The following VASP variants were observed in gnomAD, a reference collection of about 807,000 sequenced individuals.
VASP encodes vasodilator-stimulated phosphoprotein.
VASP carries 27 observed loss-of-function variants against 54.4 expected under a neutral mutation model. The ratio of observed to expected loss-of-function variants is 0.50; its 90% CI spans 0.37 to 0.68. VASP has a LOEUF of 0.68. VASP is among the 30% of genes least tolerant of loss of function. The pLI, the probability that VASP is intolerant of heterozygous loss-of-function variation, is 0.00. For synonymous variants in VASP, 233 were observed against 209.8 expected (o/e 1.11, Z -0.96); for missense variants, 488 against 528.3 (o/e 0.92, Z 0.75).
Position 45,526,434 on chromosome 19 carries a change from C to T in VASP, c.*257C>T, listed in dbSNP as rs1334609600. 9.0e-6 allele frequency: 4 copies of T among 444,210 alleles called. No homozygotes were observed. The highest frequency in any genetic ancestry group is 1.6e-5 in the Non-Finnish European group (4 of 251,854). 27.5% of individuals were successfully genotyped at this position (444,210 alleles called of 1,614,324 possible). ...TCTGCCATCCCCTTGGGGCCGGTCCCTCTGCTGGGGATGCACCAATGAACC... is the reference window on the plus strand; with the variant it reads ...TCTGCCATCCCCTTGGGGCCGGTCCTTCTGCTGGGGATGCACCAATGAACC... On this transcript the variant is annotated 3_prime_UTR_variant, in exon 13 of 13. Coordinates refer to ENST00000245932, the MANE Select transcript of VASP (RefSeq NM_003370.4).
At chr19:45,522,871 CCAGT>C in intron 7 of VASP, 53 bp downstream of exon 7, 1 of 1,534,218 alleles carries the variant, frequency 6.5e-7, no homozygotes, top group Non-Finnish European at 8.8e-7. Flanking sequence ...TCAGTAGGGC[CCAGT>C]CAGAGGAGGG....
At chr19:45,514,295 G>C (rs1241884116) in intron 1 of VASP, among the ~76,000 whole-genome samples, 4 of 152,148 alleles carry the variant, frequency 2.6e-5, no homozygotes, top group Non-Finnish European at 5.9e-5. Context: ...CACAGATCAC[G>C]GAGGCCCTGG....
rs112095290 is a variant in VASP at position 45,516,983 on chromosome 19, C to CAAAAAAAAAAA, written c.6-667_6-657dup. Among the ~76,000 whole-genome samples the CAAAAAAAAAAA allele has an allele frequency of 8.6e-5, 5 of 57,858 alleles. 2 individuals are homozygous for CAAAAAAAAAAA. Among genetic ancestry groups the CAAAAAAAAAAA allele is most frequent in the East Asian group, 3.7e-4 (1 of 2,716 alleles). The allele number at this position is 57,858 out of a possible 152,430, so 38.0% of individuals were successfully genotyped here. A position where few individuals can be genotyped will look rare whatever the true frequency, so the allele number is the denominator to read the frequency against. On this transcript the variant is annotated intron_variant, in intron 1 of 12. Coordinates refer to ENST00000245932, the MANE Select transcript of VASP (RefSeq NM_003370.4). Reference sequence around the variant, plus strand: ...CGGGTGACAGAGTAAGACTCTGTCTCAAAAAAAAAAAAAAAAAAAAAAAGA... The same window carrying CAAAAAAAAAAA: ...CGGGTGACAGAGTAAGACTCTGTCTCAAAAAAAAAAAAAAAAAAAAAAAAAAAAAAAAAAGA...
intron 1 of VASP, among the ~76,000 whole-genome samples, chr19:45,516,507 G>T (rs1183424380): frequency 3.3e-5 from 5 of 152,126 alleles, no homozygotes; most frequent in Admixed American, 3.3e-4. Context: ...GTCAGGCAGG[G>T]GCTGGTCCCT....
chr19:45,509,426 A>G (rs1407728059), intron 1 of VASP, among the ~76,000 whole-genome samples: 1 of 151,444 alleles, frequency 6.6e-6, no homozygotes. Context: ...GGCTCGGTGG[A>G]AGGCGGATGG....
intron 1 of VASP, among the ~76,000 whole-genome samples, chr19:45,509,999 G>A (rs1028207943): frequency 6.6e-6 from 1 of 152,158 alleles, no homozygotes; most frequent in Non-Finnish European, 1.5e-5. Flanking sequence ...TTTGTTGAGT[G>A]TTGGCTGTGT....
intron 1 of VASP, 113 bp from the exon 2 acceptor site, chr19:45,517,550 T>G: frequency 7.1e-7 from 1 of 1,407,308 alleles, no homozygotes; most frequent in Non-Finnish European, 9.6e-7. Flanking sequence ...GGCTCCTGCC[T>G]CCCTCTGTGT....
At chr19:45,523,176 C>T (rs1182222544) in intron 7 of VASP, among the ~76,000 whole-genome samples, 1 of 146,576 alleles carries the variant, frequency 6.8e-6, no homozygotes, top group Non-Finnish European at 1.5e-5. Flanking sequence ...GATTCTAGAA[C>T]CACAATCTCT....
intron 1 of VASP, among the ~76,000 whole-genome samples, chr19:45,511,475 A>G (rs2122285723): frequency 6.6e-6 from 1 of 152,284 alleles, no homozygotes; most frequent in South Asian, 2.1e-4. Flanking sequence ...GGCAACTTGA[A>G]CCGTCTTTTC....
rs1476555989 is a variant in VASP at position 45,507,843 on chromosome 19, TC to T, written c.5+74del. The T allele has an allele frequency of 6.2e-5, 50 of 809,804 alleles. No homozygotes were observed. The highest frequency in any genetic ancestry group is 3.3e-4 in the Middle Eastern group (1 of 3,048). The allele number at this position is 809,804 out of a possible 1,614,324, so 50.2% of individuals were successfully genotyped here. A position where few individuals can be genotyped will look rare whatever the true frequency, so the allele number is the denominator to read the frequency against. On this transcript the variant is annotated intron_variant, in intron 1 of 12. Transcript: ENST00000245932. This position sits in a 1 kb window ranked among gnomAD's most constrained non-coding sequence, Gnocchi z 4.4. ...GCTCCGCGCCCCGCCTTTGTCCCCCTCCCCCCCAGCTAGCTCCGGGCTGGAA... is the reference window on the plus strand; with the variant it reads ...GCTCCGCGCCCCGCCTTTGTCCCCCTCCCCCCAGCTAGCTCCGGGCTGGAA...
chr19:45,521,248 G>T, intron 3 of VASP, 74 bp from the exon 4 acceptor site: 2 of 1,424,508 alleles, frequency 1.4e-6, no homozygotes, highest in Non-Finnish European at 1.9e-6. Flanking sequence ...GGAGGCCTGG[G>T]AGAGCAAGGG....
chr19:45,523,190 A>ATTTT lies in VASP; in HGVS notation c.821+399_821+402dup, dbSNP rs61288703. ...TGATTCTAGAACCACAATCTCTTGAATTTTTTTTTTTTTTTTTTTTTTTTT... is the reference window on the plus strand; with the variant it reads ...TGATTCTAGAACCACAATCTCTTGAATTTTTTTTTTTTTTTTTTTTTTTTTTTTT... On this transcript the variant is annotated intron_variant, in intron 7 of 12. Transcript: ENST00000245932. 1.8e-3 allele frequency among the ~76,000 whole-genome samples: 131 copies of ATTTT among 74,706 alleles called. 13 individuals carry two copies. Among genetic ancestry groups the ATTTT allele is most frequent in the East Asian group, 0.011 (24 of 2,190 alleles). The allele number at this position is 74,706 out of a possible 152,430, so 49.0% of individuals were successfully genotyped here.
intron 2 of VASP, 38 bp from the exon 3 acceptor site, chr19:45,517,891 C>A (rs201179423): frequency 2.6e-6 from 4 of 1,565,738 alleles, no homozygotes; most frequent in Non-Finnish European, 3.5e-6. Flanking sequence ...CCCACCCCTG[C>A]GCCCGCCGCC....
chr19:45,512,329 C>T (rs983154173), intron 1 of VASP, among the ~76,000 whole-genome samples: 24 of 151,550 alleles, frequency 1.6e-4, no homozygotes, highest in Non-Finnish European at 3.4e-4. Context: ...TGCTCTGTCG[C>T]CCAGGCTGGA....
At chr19:45,525,706 A>AT in intron 11 of VASP, 1 of 415,402 alleles carries the variant, frequency 2.4e-6, no homozygotes, top group Admixed American at 4.3e-5. Flanking sequence ...AAAAAAAAAA[A>AT]GAAAAAGAAA....
In VASP at chr19:45,517,538, G is replaced by A. The variant is rs980466000; in HGVS notation, c.6-125G>A. Reference sequence around the variant, plus strand: ...GTCTCCCCCGTCTCCTTCTGTCCACGTGGCTCCTGCCTCCCTCTGTGTCAC... The same window carrying A: ...GTCTCCCCCGTCTCCTTCTGTCCACATGGCTCCTGCCTCCCTCTGTGTCAC... On this transcript the variant is annotated intron_variant, in intron 1 of 12. Transcript: ENST00000245932. 4.6e-5 allele frequency: 57 copies of A among 1,236,360 alleles called. No homozygotes were observed. The Middle Eastern group carries it at 1.4e-3, about 31-fold the overall frequency. The allele number at this position is 1,236,360 out of a possible 1,614,324, so 76.6% of individuals were successfully genotyped here.
Position 45,512,395 on chromosome 19 carries a change from TCTC to T in VASP, c.5+4622_5+4624del, listed in dbSNP as rs539036531. ...CCTCCACCTCCCAGGTTCAAGCAAT[TCTC>T]CTGCCTCACCTCCTGAGTAGCTGGA... On this transcript the variant is annotated intron_variant, in intron 1 of 12. Coordinates refer to ENST00000245932, the MANE Select transcript of VASP (RefSeq NM_003370.4). Among the ~76,000 whole-genome samples the T allele has an allele frequency of 7.8e-3, 1,182 of 151,022 alleles. 17 individuals are homozygous for T. The highest frequency in any genetic ancestry group is 0.027 in the African/African-American group (1,110 of 41,076).
At position 45,524,618 on chromosome 19, in the gene VASP, G is replaced by T; in HGVS notation, c.1005G>T (p.Thr335=). ...SVTTSETQPC[T]PSSSDYSDLQ... ...CCACTTCCGAGACCCAACCCTGCACGCCCAGCTCCAGTGATTACTCGGACC... is the reference window on the plus strand; with the variant it reads ...CCACTTCCGAGACCCAACCCTGCACTCCCAGCTCCAGTGATTACTCGGACC... Residue 335 remains threonine, a synonymous_variant, in exon 11 of 13, where the codon ACG becomes ACT. Transcript: ENST00000245932. 1 of 1,613,856 alleles carries T rather than the reference G, an allele frequency of 6.2e-7. No individual in the cohort carries two copies. Among genetic ancestry groups the T allele is most frequent in the Non-Finnish European group, 8.5e-7 (1 of 1,179,920 alleles).
intron 1 of VASP, among the ~76,000 whole-genome samples, chr19:45,508,695 C>A (rs1182174275): frequency 6.6e-6 from 1 of 152,210 alleles, no homozygotes; most frequent in Non-Finnish European, 1.5e-5. Flanking sequence ...CCCCTATCCA[C>A]CCGGAGCCTT....
Sources: allele counts gnomAD v4.1 joint callset (sites outside exome capture counted in the v4.1 genomes callset), GRCh38; gene constraint gnomAD v4.1.1; non-coding constraint Gnocchi (gnomAD v3.1); transcripts MANE v1.5; gene names NCBI Gene and HGNC (gene_info 2026-07-23, HGNC 2026-07-21).